Variants in PRSS3 observed in about 807,000 individuals in gnomAD.
PRSS3 encodes the protein trypsin-3.
Under a neutral mutation model 20.8 loss-of-function variants are expected in PRSS3, and 14 were observed. The ratio of observed to expected loss-of-function variants is 0.67; its 90% confidence interval spans 0.44 to 1.05. PRSS3 has a LOEUF of 1.05. PRSS3 is among the 50% of genes least tolerant of loss of function. The pLI is 0.00. For synonymous variants in PRSS3, 91 were observed against 117.6 expected, an observed-to-expected ratio of 0.77 and a Z score of 1.46; for missense variants, 237 against 306.4, an observed-to-expected ratio of 0.77 and a Z score of 1.69.
intron 1 of PRSS3, among the ~76,000 whole-genome samples, chr9:33,773,429 T>A (rs1344515956): frequency 6.6e-6 from 1 of 151,944 alleles, no homozygotes. Flanking sequence ...TGAGATGAGG[T>A]CTTCACACAT....
At position 33,750,872 on chromosome 9, in the gene PRSS3, A is replaced by C; in HGVS notation, c.-53+145A>C. 2 of 1,371,516 alleles carry C rather than the reference A, an allele frequency of 1.5e-6. No homozygotes were observed. The highest frequency in any genetic ancestry group is 1.9e-6 in the Non-Finnish European group (2 of 1,068,748). The allele number at this position is 1,371,516 out of a possible 1,614,324, so 85.0% of individuals were successfully genotyped here. ...GGGAGGGTACGCGGACAGGGAGGGG[A>C]TACCGACTGGGAGGGGCTCAGGGAC... On this transcript the variant is annotated intron_variant, in intron 1 of 5. Transcript: ENST00000342836. This position sits in a 1 kb window ranked among gnomAD's most constrained non-coding sequence, Gnocchi z 4.8.
intron 1 of PRSS3, among the ~76,000 whole-genome samples, chr9:33,783,651 G>A (rs1824266659): frequency 6.6e-6 from 1 of 152,124 alleles, no homozygotes; most frequent in African/African-American, 2.4e-5. Flanking sequence ...TTTGAAATAT[G>A]CCGATAAGAA....
At chr9:33,762,965 G>A (rs1823269225) in intron 1 of PRSS3, among the ~76,000 whole-genome samples, 1 of 152,264 alleles carries the variant, frequency 6.6e-6, no homozygotes, top group African/African-American at 2.4e-5. Flanking sequence ...ACCCCTCCAA[G>A]GTGGTATTAA....
At chr9:33,768,850 C>T (rs934530611) in intron 1 of PRSS3, among the ~76,000 whole-genome samples, 5 of 151,912 alleles carry the variant, frequency 3.3e-5, no homozygotes, top group African/African-American at 1.2e-4. Context: ...AGAGAAACTC[C>T]GTCTCCACAA....
rs1480971164 is a variant in PRSS3, at chr9:33,798,070, C to G, written c.442C>G (p.Leu148Val). ...ECLISGWGNT[L>V]SFGADYPDEL... The stretch of plus-strand genomic sequence containing the variant: ...CCTCATCTCCGGCTGGGGCAACACT[C>G]TGAGCTTTGGTGGTGAGTGGGACCC... Residue 148 changes from leucine to valine, a missense_variant, in exon 3 of 5, where the codon CTG (leucine) becomes GTG (valine). By Grantham distance (32) the Leu-to-Val change is conservative. Coordinates refer to ENST00000379405, the MANE Select transcript of PRSS3 (RefSeq NM_002771.4). The G allele has an allele frequency of 1.2e-6, 2 of 1,614,276 alleles. No homozygotes were observed. Among genetic ancestry groups the G allele is most frequent in the Non-Finnish European group, 1.7e-6 (2 of 1,180,048 alleles).
At chr9:33,793,253 C>T (rs1824720955), upstream of PRSS3, among the ~76,000 whole-genome samples, 1 of 152,228 alleles carries the variant, frequency 6.6e-6, no homozygotes, top group South Asian at 2.1e-4. Flanking sequence ...CCATCTTCTG[C>T]CAAGGTTCAC....
At chr9:33,770,483 G>T (rs1563959883) in intron 1 of PRSS3, among the ~76,000 whole-genome samples, 2 of 152,118 alleles carry the variant, frequency 1.3e-5, no homozygotes, top group African/African-American at 2.4e-5. Flanking sequence ...AGAAGGACAT[G>T]GATTTTCAGG....
chr9:33,791,708 C>T (rs1824638240), upstream of PRSS3, among the ~76,000 whole-genome samples: 1 of 152,120 alleles, frequency 6.6e-6, no homozygotes, highest in Non-Finnish European at 1.5e-5. Flanking sequence ...AGAGAGTGGT[C>T]AAGGAGTGGC....
chr9:33,772,738 G>C (rs1004509929), intron 1 of PRSS3, among the ~76,000 whole-genome samples: 1 of 152,016 alleles, frequency 6.6e-6, no homozygotes, highest in African/African-American at 2.4e-5. Context: ...CACGTGGTTG[G>C]AACTTGAGTA....
upstream of PRSS3, chr9:33,794,786 G>T (rs1178055457): frequency 6.4e-7 from 1 of 1,550,800 alleles, no homozygotes; most frequent in East Asian, 2.4e-5. Flanking sequence ...AAGAACCTAT[G>T]ACAGGATGCA....
chr9:33,770,425 T>TGG (rs1823633599), intron 1 of PRSS3, among the ~76,000 whole-genome samples: 2 of 152,176 alleles, frequency 1.3e-5, no homozygotes, highest in Non-Finnish European at 2.9e-5. Flanking sequence ...TGGTCTGGGT[T>TGG]AAGACTTCTG....
intron 1 of PRSS3, among the ~76,000 whole-genome samples, chr9:33,790,346 C>T (rs908916037): frequency 6.6e-6 from 1 of 152,124 alleles, no homozygotes; most frequent in Non-Finnish European, 1.5e-5. Flanking sequence ...AAGAATAGTT[C>T]AATACACTGA....
At chr9:33,798,353 C>A in intron 3 of PRSS3, 133 bp from the exon 4 acceptor site, 1 of 1,423,348 alleles carries the variant, frequency 7.0e-7, no homozygotes, top group Non-Finnish European at 9.8e-7. Context: ...GCCAGAGTCC[C>A]TTGCCAGAAC....
chr9:33,779,623 G>A (rs949320307), intron 1 of PRSS3, among the ~76,000 whole-genome samples: 8 of 152,168 alleles, frequency 5.3e-5, no homozygotes, highest in African/African-American at 1.9e-4. Flanking sequence ...AATCCCAGCA[G>A]TCTGGGAGGC....
At position 33,797,810 on chromosome 9, in the gene PRSS3, T is replaced by C. The variant is rs1470089132; in HGVS notation, c.201-19T>C. The stretch of plus-strand genomic sequence containing the variant: ...AGGCTGTGGGAGAAGGTCTTCACCA[T>C]GCCTGCCCTGCCCATCAGCCGCATC... On this transcript the variant is annotated intron_variant, in intron 2 of 4. Transcript: ENST00000379405. 6.2e-7 allele frequency: 1 copy of C among 1,614,138 alleles called. No homozygotes were observed. The highest frequency in any genetic ancestry group is 8.5e-7 in the Non-Finnish European group (1 of 1,180,064).
intron 1 of PRSS3, among the ~76,000 whole-genome samples, chr9:33,776,089 T>C (rs1823909812): frequency 6.6e-6 from 1 of 152,050 alleles, no homozygotes. Context: ...AATAGTGAAA[T>C]ACAAACTATA....
At chr9:33,755,348 A>G (rs1822892207) in intron 1 of PRSS3, among the ~76,000 whole-genome samples, 1 of 152,200 alleles carries the variant, frequency 6.6e-6, no homozygotes, top group South Asian at 2.1e-4. Flanking sequence ...TATACTGAGT[A>G]TAGAACCCTA....
intron 1 of PRSS3, among the ~76,000 whole-genome samples, chr9:33,769,825 T>C (rs911124556): frequency 7.2e-5 from 11 of 152,206 alleles, no homozygotes; most frequent in Non-Finnish European, 1.5e-4. Context: ...AGGGCCACCC[T>C]GTGGACCCAG....
intron 1 of PRSS3, among the ~76,000 whole-genome samples, chr9:33,758,625 A>T (rs1485212930): frequency 3.3e-5 from 5 of 152,224 alleles, no homozygotes; most frequent in Non-Finnish European, 7.4e-5. Flanking sequence ...TTGATACTCC[A>T]GGATTATGTT....
Sources: allele counts gnomAD v4.1 joint callset (sites outside exome capture counted in the v4.1 genomes callset), GRCh38; gene constraint gnomAD v4.1.1; non-coding constraint Gnocchi (gnomAD v3.1); transcripts MANE v1.5; gene names NCBI Gene and HGNC (gene_info 2026-07-23, HGNC 2026-07-21).